CATSPERT: variants seen among roughly 807,000 people sequenced by gnomAD.
CATSPERT encodes cation channel sperm-associated targeting subunit tau.
chr2:201,509,994 T>C, the CATSPERT span, among the ~76,000 whole-genome samples: 1 of 150,912 alleles, frequency 6.6e-6, no homozygotes, highest in African/African-American at 2.5e-5. Context: ...ATATACTTTA[T>C]TTTAAATAGG....
chr2:201,493,345 G>A, the CATSPERT span: 1 of 1,536,754 alleles, frequency 6.5e-7, no homozygotes, highest in Non-Finnish European at 8.7e-7. Flanking sequence ...AACAGAAGTA[G>A]TGTCTTTGGG....
At chr2:201,591,368 T>C in the CATSPERT span, among the ~76,000 whole-genome samples, 1 of 152,254 alleles carries the variant, frequency 6.6e-6, no homozygotes, top group Non-Finnish European at 1.5e-5. Flanking sequence ...ACCAGTACCA[T>C]GCTGTTTTGG....
At chr2:201,541,531 T>TTATATATATATATATATATA in the CATSPERT span, among the ~76,000 whole-genome samples, 1 of 92,768 alleles carries the variant, frequency 1.1e-5, no homozygotes, top group Non-Finnish European at 2.1e-5. Context: ...TCAGATGATT[T>TTATATATATATATATATATA]TATATATATA....
At chr2:201,549,126 C>G in the CATSPERT span, among the ~76,000 whole-genome samples, 2 of 152,078 alleles carry the variant, frequency 1.3e-5, no homozygotes, top group Non-Finnish European at 2.9e-5. Flanking sequence ...ATAAAATAGA[C>G]CAATACACTT....
the CATSPERT span, among the ~76,000 whole-genome samples, chr2:201,516,819 G>A: frequency 6.6e-6 from 1 of 151,918 alleles, no homozygotes; most frequent in African/African-American, 2.4e-5. Flanking sequence ...GTGGGGCACA[G>A]ATGCTCCAAC....
chr2:201,595,120 C>T, the CATSPERT span, among the ~76,000 whole-genome samples: 6 of 151,478 alleles, frequency 4.0e-5, no homozygotes, highest in African/African-American at 9.7e-5. Context: ...TATCTACTTT[C>T]GGCCTTTGAT....
At chr2:201,564,398 C>T in the CATSPERT span, among the ~76,000 whole-genome samples, 28 of 151,686 alleles carry the variant, frequency 1.8e-4, no homozygotes, top group African/African-American at 6.5e-4. Context: ...AACAACTAAG[C>T]ATGTGAGAAT....
chr2:201,538,844 G>A, the CATSPERT span, among the ~76,000 whole-genome samples: 1 of 152,070 alleles, frequency 6.6e-6, no homozygotes, highest in African/African-American at 2.4e-5. Flanking sequence ...ATAGGTCCCA[G>A]TGTGTGTTGT....
chr2:201,565,712 T>C, the CATSPERT span: 1 of 1,497,642 alleles, frequency 6.7e-7, no homozygotes, highest in Non-Finnish European at 8.9e-7. Context: ...TGAATTTTTT[T>C]TTTTTTTTTT....
At chr2:201,588,169 A>G in the CATSPERT span, among the ~76,000 whole-genome samples, 1 of 151,828 alleles carries the variant, frequency 6.6e-6, no homozygotes, top group Non-Finnish European at 1.5e-5. Flanking sequence ...ACCCTGATGA[A>G]AACTTGGCAG....
At chr2:201,556,003 C>T in the CATSPERT span, 36 of 152,246 alleles carry the variant, frequency 2.4e-4, no homozygotes, top group African/African-American at 7.9e-4. Flanking sequence ...CTCTGCTACT[C>T]CTATCACTTA....
At chr2:201,547,513 C>G in the CATSPERT span, 10 of 1,518,214 alleles carry the variant, frequency 6.6e-6, no homozygotes, top group Non-Finnish European at 9.0e-6. Flanking sequence ...ACCTCAGAAT[C>G]CTTATGTTCC....
the CATSPERT span, among the ~76,000 whole-genome samples, chr2:201,580,848 A>C: frequency 1.3e-5 from 2 of 152,202 alleles, no homozygotes; most frequent in Non-Finnish European, 2.9e-5. Flanking sequence ...CAACCATAAA[A>C]TCTGTATATA....
At chr2:201,497,000 G>C in the CATSPERT span, among the ~76,000 whole-genome samples, 1 of 152,148 alleles carries the variant, frequency 6.6e-6, no homozygotes, top group Admixed American at 6.5e-5. Context: ...GAGAGAAAAC[G>C]TGACACATCT....
At chr2:201,592,724 C>T in the CATSPERT span, among the ~76,000 whole-genome samples, 808 of 152,196 alleles carry the variant, frequency 5.3e-3, 7 homozygotes, top group Admixed American at 0.011. Flanking sequence ...GTGTATGTGC[C>T]GACGAATTTA....
At chr2:201,529,767 A>T in the CATSPERT span, among the ~76,000 whole-genome samples, 2 of 152,186 alleles carry the variant, frequency 1.3e-5, no homozygotes, top group Non-Finnish European at 2.9e-5. Flanking sequence ...AGTTGCATCA[A>T]ATCAAAAGCT....
At chr2:201,505,679 A>T in the CATSPERT span, among the ~76,000 whole-genome samples, 1 of 152,220 alleles carries the variant, frequency 6.6e-6, no homozygotes, top group Non-Finnish European at 1.5e-5. Context: ...AACCAGAGGA[A>T]ACTGGAGAGT....
the CATSPERT span, among the ~76,000 whole-genome samples, chr2:201,597,962 G>C: frequency 9.9e-5 from 15 of 152,156 alleles, no homozygotes; most frequent in Non-Finnish European, 1.5e-4. Context: ...AAGTCCTAAA[G>C]CGTATGCAAT....
chr2:201,589,186 A>G, the CATSPERT span, among the ~76,000 whole-genome samples: 1 of 152,062 alleles, frequency 6.6e-6, no homozygotes, highest in Non-Finnish European at 1.5e-5. Context: ...CTGCCCAAAT[A>G]AATTTATAGA....
Sources: allele counts gnomAD v4.1 joint callset (sites outside exome capture counted in the v4.1 genomes callset), GRCh38; gene constraint gnomAD v4.1.1; transcripts MANE v1.5; gene names NCBI Gene and HGNC (gene_info 2026-07-23, HGNC 2026-07-21).